NDUFS7: variants seen among roughly 807,000 people sequenced by gnomAD.
NDUFS7 encodes the protein NADH:ubiquinone oxidoreductase core subunit S7.
NDUFS7 carries 11 observed loss-of-function variants against 31.1 expected under a neutral mutation model. That is an observed-to-expected ratio of 0.35 (90% CI 0.22 to 0.59). NDUFS7 has a LOEUF of 0.59. NDUFS7 is among the 20% of genes least tolerant of loss of function. The pLI, the probability that NDUFS7 is intolerant of heterozygous loss-of-function variation, is 0.79. For missense variants in NDUFS7, 263 were observed against 324.2 expected, an observed-to-expected ratio of 0.81 and a Z score of 1.45; for synonymous variants, 136 against 127.9, an observed-to-expected ratio of 1.06 and a Z score of -0.43.
intron 2 of NDUFS7, 36 bp from the exon 3 acceptor site, chr19:1,388,489 G>A: frequency 6.2e-7 from 1 of 1,600,444 alleles, no homozygotes; most frequent in Non-Finnish European, 8.5e-7. Context: ...GGAGGGGCCT[G>A]GGACAGCCAC....
chr19:1,389,382 T>C (rs556250544), intron 4 of NDUFS7: 138 of 463,750 alleles, frequency 3.0e-4, no homozygotes, highest in African/African-American at 2.2e-3. Flanking sequence ...CCTGTTGGCA[T>C]GCATGCACAC....
At chr19:1,391,627 C>T (rs1600151359) in intron 6 of NDUFS7, among the ~76,000 whole-genome samples, 2 of 150,934 alleles carry the variant, frequency 1.3e-5, no homozygotes, top group South Asian at 2.1e-4. Context: ...GCTGGGATTA[C>T]AGGCATGCAC....
At chr19:1,389,767 C>T in intron 4 of NDUFS7, 1 of 340,156 alleles carries the variant, frequency 2.9e-6, no homozygotes, top group Non-Finnish European at 5.8e-6. Flanking sequence ...TTCAACAATC[C>T]CCCATTGATG....
At chr19:1,384,597 C>T (rs2082495497) in intron 1 of NDUFS7, among the ~76,000 whole-genome samples, 1 of 152,218 alleles carries the variant, frequency 6.6e-6, no homozygotes, top group Non-Finnish European at 1.5e-5. Flanking sequence ...ACCTGATTGG[C>T]GACTTAGTAA....
intron 2 of NDUFS7, 84 bp downstream of exon 2, chr19:1,387,931 G>GGGGGGGGGT: frequency 2.3e-6 from 1 of 428,706 alleles, no homozygotes; most frequent in Non-Finnish European, 4.6e-6. Flanking sequence ...GGGGGGTGGG[G>GGGGGGGGGT]GGAGCGCCTT....
intron 7 of NDUFS7, chr19:1,394,493 C>T: frequency 7.9e-7 from 1 of 1,268,144 alleles, no homozygotes; most frequent in Non-Finnish European, 1.0e-6. Flanking sequence ...GACTGCGCTC[C>T]TCCCTCCTTG....
At position 1,388,623 on chromosome 19, in the gene NDUFS7, C is replaced by T. The variant is rs867795397; in HGVS notation, c.122+30C>T. The T allele has an allele frequency of 2.8e-5, 45 of 1,597,418 alleles. No individual in the cohort carries two copies. The Middle Eastern group carries it at 5.1e-4, about 18-fold the overall frequency. ...AGCTGGCCTTCTGGGGGAGGTCGTA[C>T]CCCCTCGCCCCACCCCCATCCCTTC... is the stretch of plus-strand genomic sequence containing the variant. On this transcript the variant is annotated intron_variant, in intron 3 of 7. Coordinates refer to ENST00000233627, the MANE Select transcript of NDUFS7 (RefSeq NM_024407.5).
intron 1 of NDUFS7, 159 bp from the exon 2 acceptor site, chr19:1,387,652 G>C: frequency 1.4e-6 from 1 of 696,040 alleles, no homozygotes; most frequent in Admixed American, 2.0e-5. Context: ...ACTCTCTCGT[G>C]TTCTGAAAAC....
In NDUFS7 at chr19:1,393,091, C is replaced by T. The variant is rs1035915694; in HGVS notation, c.456-151C>T. The T allele has an allele frequency of 1.1e-5, 7 of 661,348 alleles. No individual in the cohort carries two copies. Among genetic ancestry groups the T allele is most frequent in the African/African-American group, 3.5e-5 (2 of 56,434 alleles). The allele number at this position is 661,348 out of a possible 1,614,324, so 41.0% of individuals were successfully genotyped here. A position where few individuals can be genotyped will look rare whatever the true frequency, so the allele number is the denominator to read the frequency against. On this transcript the variant is annotated intron_variant, in intron 6 of 7. Coordinates refer to ENST00000233627, the MANE Select transcript of NDUFS7 (RefSeq NM_024407.5). The surrounding 1 kb of genome is among the most constrained non-coding windows in gnomAD (Gnocchi z 7.3). ...CCCACAGAGGCTCTGGGAGCCTGTG[C>T]GTGTTTGCTCATTGCTTCTCCGTGA...
Position 1,393,805 on chromosome 19 carries a change from CTGTT to C in NDUFS7, c.544+476_544+479del. The C allele has an allele frequency of 2.6e-6, 1 of 389,876 alleles. No homozygotes were observed. Among genetic ancestry groups the C allele is most frequent in the Non-Finnish European group, 4.8e-6 (1 of 209,372 alleles). The allele number at this position is 389,876 out of a possible 1,614,324, so 24.2% of individuals were successfully genotyped here. ...AGGGTGAATTTGACCATCAGGAAAA[CTGTT>C]AGTAGTAATTGTTTAGTACGAGTAT... On this transcript the variant is annotated intron_variant, in intron 7 of 7. Coordinates refer to ENST00000233627, the MANE Select transcript of NDUFS7 (RefSeq NM_024407.5). The surrounding 1 kb of genome is among the most constrained non-coding windows in gnomAD (Gnocchi z 7.3).
At position 1,389,848 on chromosome 19, in the gene NDUFS7, G is replaced by A. The variant is rs73920448; in HGVS notation, c.228+910G>A. 1,643 of 307,874 alleles carry A rather than the reference G, an allele frequency of 5.3e-3. 35 individuals carry two copies. Among genetic ancestry groups the A allele is most frequent in the African/African-American group, 0.034 (1,541 of 45,998 alleles). 19.1% of individuals were successfully genotyped at this position (307,874 alleles called of 1,614,324 possible). A position where few individuals can be genotyped will look rare whatever the true frequency, so the allele number is the denominator to read the frequency against. ...CGGCGAACGTCCTGCCAGGGCCGCA[G>A]TGGTCGAGACAAGGATAGTTTTTAA... On this transcript the variant is annotated intron_variant, in intron 4 of 7. Coordinates refer to ENST00000233627, the MANE Select transcript of NDUFS7 (RefSeq NM_024407.5).
intron 1 of NDUFS7, 98 bp from the exon 2 acceptor site, chr19:1,387,713 T>G: frequency 9.0e-7 from 1 of 1,106,924 alleles, no homozygotes; most frequent in Non-Finnish European, 1.4e-6. Context: ...GGATCAGAGC[T>G]AGGCTGTGCG....
Position 1,393,448 on chromosome 19 carries a change from C to A in NDUFS7, c.544+118C>A, listed in dbSNP as rs763627032. 21 of 851,776 alleles carry A rather than the reference C, an allele frequency of 2.5e-5. No individual in the cohort carries two copies. Among genetic ancestry groups the A allele is most frequent in the Non-Finnish European group, 2.9e-5 (15 of 522,858 alleles). 52.8% of individuals were successfully genotyped at this position (851,776 alleles called of 1,614,324 possible). A position where few individuals can be genotyped will look rare whatever the true frequency, so the allele number is the denominator to read the frequency against. On this transcript the variant is annotated intron_variant, in intron 7 of 7. Transcript: ENST00000233627. This position sits in a 1 kb window ranked among gnomAD's most constrained non-coding sequence, Gnocchi z 7.3. ...CCAGCAGACGGCGGGCTCCCCCATCCTATGGATGGGCCGACTCGGAGCGCT... is the reference window on the plus strand; with the variant it reads ...CCAGCAGACGGCGGGCTCCCCCATCATATGGATGGGCCGACTCGGAGCGCT...
At position 1,393,580 on chromosome 19, in the gene NDUFS7, G is replaced by A. The variant is rs182490417; in HGVS notation, c.544+250G>A. On this transcript the variant is annotated intron_variant, in intron 7 of 7. Transcript: ENST00000233627. This position sits in a 1 kb window ranked among gnomAD's most constrained non-coding sequence, Gnocchi z 7.3. ...GAGTGGAATTCCTGACACACGCCTG[G>A]TTTACAGCAGTTTCATATGGTCCTA... 2.4e-4 allele frequency: 152 copies of A among 633,320 alleles called. No homozygotes were observed. Among genetic ancestry groups the A allele is most frequent in the Non-Finnish European group, 4.1e-4 (142 of 348,882 alleles). The allele number at this position is 633,320 out of a possible 1,614,324, so 39.2% of individuals were successfully genotyped here.
chr19:1,391,068 C>A lies in NDUFS7; in HGVS notation c.408+18C>A. The stretch of plus-strand genomic sequence containing the variant: ...TTCGCAAGGTAGGCCTCGTCCCAGC[C>A]GCCCAGCCGCCCCCAGAGTGAGCTG... On this transcript the variant is annotated intron_variant, in intron 5 of 7. Coordinates refer to ENST00000233627, the MANE Select transcript of NDUFS7 (RefSeq NM_024407.5). The A allele has an allele frequency of 6.2e-7, 1 of 1,612,614 alleles. No individual in the cohort carries two copies. The highest frequency in any genetic ancestry group is 2.2e-5 in the East Asian group (1 of 44,832).
Position 1,388,505 on chromosome 19 carries a change from C to G in NDUFS7, c.54-20C>G, listed in dbSNP as rs200121063. 1.2e-4 allele frequency: 189 copies of G among 1,609,940 alleles called. No individual in the cohort carries two copies. Among genetic ancestry groups the G allele is most frequent in the Non-Finnish European group, 1.5e-4 (181 of 1,179,310 alleles). On this transcript the variant is annotated intron_variant, in intron 2 of 7. Transcript: ENST00000233627. ...GAGGGGCCTGGGACAGCCACTGACC[C>G]GCGTTCCATCTCCCGGCAGCTCCAG... is the stretch of plus-strand genomic sequence containing the variant.
At chr19:1,383,978 C>G (rs751993626) in intron 1 of NDUFS7, 36 bp downstream of exon 1, 3 of 1,552,536 alleles carry the variant, frequency 1.9e-6, no homozygotes, top group African/African-American at 2.7e-5. Flanking sequence ...TGGGGCCGCG[C>G]GGGTCTGGGG....
chr19:1,386,681 G>A (rs912767471), intron 1 of NDUFS7: 4 of 152,302 alleles, frequency 2.6e-5, no homozygotes, highest in Non-Finnish European at 5.9e-5. Flanking sequence ...ATTTTTAGTA[G>A]AGACGGGGTT....
intron 1 of NDUFS7, among the ~76,000 whole-genome samples, chr19:1,386,245 C>T (rs923639330): frequency 9.2e-5 from 14 of 152,202 alleles, no homozygotes; most frequent in African/African-American, 3.4e-4. Flanking sequence ...TCACCCACAG[C>T]GACAAAGTAC....
Sources: allele counts gnomAD v4.1 joint callset (sites outside exome capture counted in the v4.1 genomes callset), GRCh38; gene constraint gnomAD v4.1.1; non-coding constraint Gnocchi (gnomAD v3.1); transcripts MANE v1.5; gene names NCBI Gene and HGNC (gene_info 2026-07-23, HGNC 2026-07-21).